The following AASS variants were observed in gnomAD, a reference collection of about 807,000 sequenced individuals.
AASS encodes the protein aminoadipate-semialdehyde synthase.
AASS carries 86 observed loss-of-function variants against 105.4 expected under a neutral mutation model. The ratio of observed to expected loss-of-function variants is 0.82; its 90% CI spans 0.69 to 0.98. The LOEUF (loss-of-function observed/expected upper bound fraction) is 0.98, where lower values mean the gene tolerates loss of function less well. Ranked by LOEUF, AASS falls within the 50% of genes least tolerant of loss-of-function variation. The pLI is 0.00. For synonymous variants in AASS, 381 were observed against 394.8 expected (o/e 0.96, Z 0.41); for missense variants, 1,048 against 1,143.2 (o/e 0.92, Z 1.20).
chr7:122,117,017 T>C, intron 6 of AASS, 60 bp from the exon 7 acceptor site: 1 of 1,416,232 alleles, frequency 7.1e-7, no homozygotes, highest in Non-Finnish European at 9.9e-7. Flanking sequence ...AACATGGTTT[T>C]CTGCAAAGAT....
At chr7:122,135,090 C>T (rs1796082281) in intron 1 of AASS, among the ~76,000 whole-genome samples, 1 of 151,958 alleles carries the variant, frequency 6.6e-6, no homozygotes, top group African/African-American at 2.4e-5. Flanking sequence ...CACTTGGACA[C>T]AGGGTGGGGA....
At position 122,079,676 on chromosome 7, in the gene AASS, A is replaced by T. The variant is rs147414883; in HGVS notation, c.2317T>A (p.Ser773Thr). The stretch of plus-strand genomic sequence containing the variant: ...TCCTTCAACACATCATGCTCAGAGG[A>T]GGGTGAAATCCCAACTAGGTCACAG... The part of the protein sequence containing the change: ...LLCDLVGISP[S>T]SEHDVLKEAV... Residue 773 changes from serine to threonine, a missense_variant, in exon 21 of 24, where the codon TCC becomes ACC. Coordinates refer to ENST00000417368, the MANE Select transcript of AASS (RefSeq NM_005763.4). 257 of 1,613,896 alleles carry T rather than the reference A, an allele frequency of 1.6e-4. No homozygotes were observed. Among genetic ancestry groups the T allele is most frequent in the Non-Finnish European group, 1.7e-4 (195 of 1,179,926 alleles).
chr7:122,111,472 G>A (rs1794927589), intron 11 of AASS, among the ~76,000 whole-genome samples: 1 of 152,174 alleles, frequency 6.6e-6, no homozygotes, highest in Non-Finnish European at 1.5e-5. Context: ...GGGAAATGAT[G>A]CCAAAGGGAA....
At chr7:122,090,767 T>C (rs1793858499) in intron 18 of AASS, among the ~76,000 whole-genome samples, 2 of 152,130 alleles carry the variant, frequency 1.3e-5, no homozygotes, top group South Asian at 4.1e-4. Flanking sequence ...ACTGGCTCTG[T>C]CACTTGCCAT....
At chr7:122,078,390 G>T (rs1419844884) in intron 22 of AASS, among the ~76,000 whole-genome samples, 11 of 151,962 alleles carry the variant, frequency 7.2e-5, no homozygotes, top group Admixed American at 7.2e-4. Flanking sequence ...AAGGTGGGCG[G>T]ATCACGAGGT....
intron 4 of AASS, among the ~76,000 whole-genome samples, chr7:122,120,069 A>C (rs1016980193): frequency 1.3e-5 from 2 of 152,178 alleles, no homozygotes; most frequent in African/African-American, 4.8e-5. Flanking sequence ...TTTGAGATTC[A>C]TACATATTTT....
intron 11 of AASS, among the ~76,000 whole-genome samples, chr7:122,106,607 C>A (rs1293165759): frequency 6.6e-6 from 1 of 152,052 alleles, no homozygotes; most frequent in Non-Finnish European, 1.5e-5. Flanking sequence ...GGCCACACAT[C>A]TTCAACCATC....
chr7:122,085,911 G>C, intron 19 of AASS, 101 bp downstream of exon 19: 1 of 1,303,690 alleles, frequency 7.7e-7, no homozygotes, highest in Non-Finnish European at 1.1e-6. Context: ...ACTCCAACTT[G>C]GTTTATCATC....
intron 15 of AASS, among the ~76,000 whole-genome samples, chr7:122,094,192 C>A (rs1794035066): frequency 6.6e-6 from 1 of 152,136 alleles, no homozygotes; most frequent in Non-Finnish European, 1.5e-5. Flanking sequence ...ACCTCAGAAT[C>A]ACACAATATA....
chr7:122,142,503 T>C (rs192015541), intron 1 of AASS, among the ~76,000 whole-genome samples: 1 of 152,164 alleles, frequency 6.6e-6, no homozygotes, highest in Non-Finnish European at 1.5e-5. Flanking sequence ...GGCATGCATG[T>C]TCAAGATAAA....
intron 14 of AASS, 48 bp from the exon 15 acceptor site, chr7:122,098,624 T>C (rs1273431457): frequency 4.4e-6 from 7 of 1,590,390 alleles, no homozygotes; most frequent in Non-Finnish European, 1.7e-6. Flanking sequence ...CAGAGTAAAA[T>C]ATATTTTAAC....
At chr7:122,120,135 G>C (rs539125738) in intron 4 of AASS, among the ~76,000 whole-genome samples, 1 of 152,052 alleles carries the variant, frequency 6.6e-6, no homozygotes, top group East Asian at 1.9e-4. Flanking sequence ...TATTTCAGTT[G>C]ATTTCTCTGC....
At chr7:122,109,463 T>C (rs1408942444) in intron 11 of AASS, among the ~76,000 whole-genome samples, 1 of 151,816 alleles carries the variant, frequency 6.6e-6, no homozygotes, top group Admixed American at 6.6e-5. Flanking sequence ...CATAAACCAA[T>C]GGAACAGAAA....
At chr7:122,115,291 G>GCTTT in intron 8 of AASS, 69 bp from the exon 9 acceptor site, 1 of 1,532,702 alleles carries the variant, frequency 6.5e-7, no homozygotes, top group Non-Finnish European at 9.0e-7. Context: ...CTGAAAGAAA[G>GCTTT]CTATCAGTAA....
At chr7:122,082,678 G>T in intron 19 of AASS, 1 of 486,140 alleles carries the variant, frequency 2.1e-6, no homozygotes, top group Non-Finnish European at 3.4e-6. Flanking sequence ...AGTCCATGGT[G>T]AACAAAAATG....
intron 11 of AASS, among the ~76,000 whole-genome samples, chr7:122,108,228 G>T (rs1319814947): frequency 6.6e-6 from 1 of 152,018 alleles, no homozygotes; most frequent in Non-Finnish European, 1.5e-5. Context: ...TTTCACTACT[G>T]AACTCTACCA....
At chr7:122,105,014 C>T (rs1339971259) in intron 11 of AASS, among the ~76,000 whole-genome samples, 6 of 151,908 alleles carry the variant, frequency 3.9e-5, no homozygotes, top group Non-Finnish European at 7.4e-5. Context: ...TGCACATAGG[C>T]TTTCATCCCT....
intron 17 of AASS, 77 bp from the exon 18 acceptor site, chr7:122,091,920 A>G: frequency 9.5e-7 from 1 of 1,057,126 alleles, no homozygotes; most frequent in Non-Finnish European, 1.4e-6. Context: ...GAAGACAATG[A>G]TATGAATGGA....
chr7:122,106,023 T>C (rs949265546), intron 11 of AASS, among the ~76,000 whole-genome samples: 17 of 151,922 alleles, frequency 1.1e-4, no homozygotes, highest in African/African-American at 3.9e-4. Flanking sequence ...TAGATGACTG[T>C]TGTTGGTGTG....
Sources: gnomAD v4.1 joint callset for allele counts (sites outside exome capture counted in the v4.1 genomes callset) on GRCh38, gnomAD v4.1.1 for gene constraint, MANE v1.5 for transcripts, NCBI Gene and HGNC (gene_info 2026-07-23, HGNC 2026-07-21) for gene names.